The following CCDC117 variants were observed in gnomAD, a reference collection of about 807,000 sequenced individuals.
The protein encoded by CCDC117 is coiled-coil domain containing 117.
In CCDC117, 1 loss-of-function variant was observed where a neutral mutation model predicts 23.5. That is an observed-to-expected ratio of 0.04 (90% confidence interval 0.02 to 0.20). CCDC117 has a LOEUF of 0.20. Among genes scored for constraint, CCDC117 ranks in the 10% least tolerant of loss-of-function variants. The probability of loss-of-function intolerance (pLI) is 1.00; values close to 1 mark genes in which losing one functional copy is unlikely to be tolerated. For missense variants in CCDC117, 383 were observed against 348.2 expected, an observed-to-expected ratio of 1.10 and a Z score of -0.80; for synonymous variants, 132 against 124.8, an observed-to-expected ratio of 1.06 and a Z score of -0.39.
intron 3 of CCDC117, among the ~76,000 whole-genome samples, chr22:28,782,013 C>T (rs1273352970): frequency 6.8e-6 from 1 of 147,162 alleles, no homozygotes; most frequent in Admixed American, 6.8e-5. Context: ...CAGTGGCTCA[C>T]TGCAGTCTTA....
At chr22:28,777,229 G>T (rs1415366482) in intron 2 of CCDC117, among the ~76,000 whole-genome samples, 2 of 151,396 alleles carry the variant, frequency 1.3e-5, no homozygotes, top group Admixed American at 6.6e-5. Flanking sequence ...GTTTCACCAT[G>T]TTAGCCAGGA....
At chr22:28,777,133 T>A (rs7285695) in intron 2 of CCDC117, among the ~76,000 whole-genome samples, 1 of 149,064 alleles carries the variant, frequency 6.7e-6, no homozygotes, top group African/African-American at 2.5e-5. Flanking sequence ...CTGCCTCCCG[T>A]GTTCAAGTGA....
chr22:28,789,084 TAACTA>T lies in CCDC117; in HGVS notation c.*2761_*2765del, dbSNP rs1407292262. 6.7e-6 allele frequency: 1 copy of T among 150,096 alleles called. No homozygotes were observed. The highest frequency in any genetic ancestry group is 6.7e-5 in the Admixed American group (1 of 14,822). The allele number at this position is 150,096 out of a possible 1,614,324, so 9.3% of individuals were successfully genotyped here. ...GGTACACATGTAAAATTTAGGAAAA[TAACTA>T]AAGTAGGGGCTGGAACCATAAGAAG... On this transcript the variant is annotated 3_prime_UTR_variant, in exon 5 of 5. Transcript: ENST00000249064.
At chr22:28,774,855 C>T (rs1403993937) in intron 2 of CCDC117, among the ~76,000 whole-genome samples, 2 of 152,060 alleles carry the variant, frequency 1.3e-5, no homozygotes, top group Non-Finnish European at 2.9e-5. Context: ...TGTGTTTTTA[C>T]ATTTGTAGGA....
In CCDC117 at chr22:28,783,547, T is replaced by C; in HGVS notation, c.504T>C (p.Asn168=). Residue 168 remains asparagine (N), a synonymous_variant, in exon 4 of 5, where the codon AAT becomes AAC. Transcript: ENST00000249064. ...ATGAAGAAGTTGAAGCTGACAGAAA[T>C]GTTAACCATCTCCCCAGTCTTGTCC... ...DEDEEVEADR[N]VNHLPSLVLS... 1.2e-6 allele frequency: 2 copies of C among 1,613,866 alleles called. No individual in the cohort carries two copies. Among genetic ancestry groups the C allele is most frequent in the East Asian group, 2.2e-5 (1 of 44,848 alleles).
Position 28,783,565 on chromosome 22 carries a change from T to G in CCDC117, c.522T>G (p.Ser174Arg), listed in dbSNP as rs751156576. 4 of 1,613,650 alleles carry G rather than the reference T, an allele frequency of 2.5e-6. No individual in the cohort carries two copies. The highest frequency in any genetic ancestry group is 3.4e-6 in the Non-Finnish European group (4 of 1,179,598). Reference sequence around the variant, plus strand: ...ACAGAAATGTTAACCATCTCCCCAGTCTTGTCCTTTCTGATACCATGAAAA... The same window carrying G: ...ACAGAAATGTTAACCATCTCCCCAGGCTTGTCCTTTCTGATACCATGAAAA... The part of the protein sequence containing the change: ...EADRNVNHLP[S>R]LVLSDTMKTG... The change falls in exon 4 of 5, where the codon AGT (serine) becomes AGG (arginine). Residue 174 changes from serine (S) to arginine (R), a missense_variant. By Grantham distance (110) the Ser-to-Arg change is moderately radical. Transcript: ENST00000249064.
chr22:28,784,993 A>G (rs1191833368), intron 4 of CCDC117, among the ~76,000 whole-genome samples: 1 of 151,896 alleles, frequency 6.6e-6, no homozygotes, highest in East Asian at 1.9e-4. Flanking sequence ...GATGGTCTCG[A>G]TCTCCTGACC....
rs1451334596 is a variant in CCDC117 at position 28,772,977 on chromosome 22, C to T, written c.128C>T (p.Pro43Leu). The T allele has an allele frequency of 3.3e-6, 4 of 1,202,982 alleles. No homozygotes were observed. Among genetic ancestry groups the T allele is most frequent in the Middle Eastern group, 3.3e-4 (1 of 3,054 alleles). 74.5% of individuals were successfully genotyped at this position (1,202,982 alleles called of 1,614,324 possible). Residue 43 changes from proline to leucine, a missense_variant, in exon 1 of 5, where the codon CCG (proline) becomes CTG (leucine). Physicochemically the swap from Pro to Leu is moderately conservative, Grantham distance 98 (BLOSUM62 -3). Transcript: ENST00000249064. ...PPGADGAELA[P>L]RPGPRAVPSS... The stretch of plus-strand genomic sequence containing the variant: ...GGGGCTGACGGCGCCGAGTTGGCCC[C>T]GCGGCCGGGACCTCGCGCAGTCCCT...
At chr22:28,782,197 C>T (rs1220768795) in intron 3 of CCDC117, among the ~76,000 whole-genome samples, 1 of 150,424 alleles carries the variant, frequency 6.6e-6, no homozygotes, top group African/African-American at 2.5e-5. Flanking sequence ...CTCGGCATCC[C>T]AAAGTGCTGG....
intron 3 of CCDC117, 125 bp downstream of exon 3, chr22:28,781,297 G>T (rs370034121): frequency 2.8e-5 from 13 of 457,818 alleles, no homozygotes; most frequent in African/African-American, 1.9e-4. Flanking sequence ...GACTAAGTCA[G>T]ATAATTCAAA....
In CCDC117 at chr22:28,789,125, A is replaced by T. The variant is rs1222; in HGVS notation, c.*2799A>T. 1 of 152,202 alleles carries T rather than the reference A, an allele frequency of 6.6e-6. No homozygotes were observed. Among genetic ancestry groups the T allele is most frequent in the South Asian group, 2.1e-4 (1 of 4,826 alleles). 9.4% of individuals were successfully genotyped at this position (152,202 alleles called of 1,614,324 possible). A position where few individuals can be genotyped will look rare whatever the true frequency, so the allele number is the denominator to read the frequency against. Reference sequence around the variant, plus strand: ...TGGAACCATAAGAAGAATGTTTATCAGCACGTTCATTTATTATTTTGGATT... The same window carrying T: ...TGGAACCATAAGAAGAATGTTTATCTGCACGTTCATTTATTATTTTGGATT... On this transcript the variant is annotated 3_prime_UTR_variant, in exon 5 of 5. Transcript: ENST00000249064.
At position 28,788,331 on chromosome 22, in the gene CCDC117, A is replaced by G. The variant is rs573610697; in HGVS notation, c.*2005A>G. The G allele has an allele frequency of 6.5e-6, 1 of 152,808 alleles. No individual in the cohort carries two copies. The highest frequency in any genetic ancestry group is 1.5e-5 in the Non-Finnish European group (1 of 68,038). 9.5% of individuals were successfully genotyped at this position (152,808 alleles called of 1,614,324 possible). A position where few individuals can be genotyped will look rare whatever the true frequency, so the allele number is the denominator to read the frequency against. On this transcript the variant is annotated 3_prime_UTR_variant, in exon 5 of 5. Coordinates refer to ENST00000249064, the MANE Select transcript of CCDC117 (RefSeq NM_173510.4). ...GCTGAAAAATGTGTTCTAATGCAACACAAAAACATGAAGTGACTGCCCAGA... is the reference window on the plus strand; with the variant it reads ...GCTGAAAAATGTGTTCTAATGCAACGCAAAAACATGAAGTGACTGCCCAGA...
At position 28,779,750 on chromosome 22, in the gene CCDC117, A is replaced by G. The variant is rs111888584; in HGVS notation, c.240-1198A>G. Among the ~76,000 whole-genome samples, 186 of 152,346 alleles carry G rather than the reference A, an allele frequency of 1.2e-3. 1 individual carries two copies. The highest frequency in any genetic ancestry group is 3.9e-3 in the African/African-American group (162 of 41,578). On this transcript the variant is annotated intron_variant, in intron 2 of 4. Coordinates refer to ENST00000249064, the MANE Select transcript of CCDC117 (RefSeq NM_173510.4). ...ATAGAAATTTCTTTTTGTAAAATAC[A>G]TGCCTCTTCTTTGGCCCTCAGTTTA...
At chr22:28,773,070 CG>C (rs2146241663) in intron 1 of CCDC117, 36 bp downstream of exon 1, 1 of 64,956 alleles carries the variant, frequency 1.5e-5, no homozygotes, top group Admixed American at 1.5e-4. Flanking sequence ...GCAGGGCGGG[CG>C]GGCGGGCGGG....
chr22:28,781,006 T>TATC lies in CCDC117; in HGVS notation c.298_299insATC (p.Trp100delinsTyrArg). 1.9e-6 allele frequency: 3 copies of TATC among 1,614,104 alleles called. No homozygotes were observed. Among genetic ancestry groups the TATC allele is most frequent in the Non-Finnish European group, 2.5e-6 (3 of 1,180,002 alleles). On this transcript the variant is annotated protein_altering_variant, in exon 3 of 5. Coordinates refer to ENST00000249064, the MANE Select transcript of CCDC117 (RefSeq NM_173510.4). ...AGAGCTCTGTGCTGGTCCTAATGAC[T>TATC]GGATTCTTTGTGCACATCAGGATGT... is the stretch of plus-strand genomic sequence containing the variant.
intron 4 of CCDC117, among the ~76,000 whole-genome samples, chr22:28,785,334 A>AT (rs781197407): frequency 2.0e-5 from 3 of 152,154 alleles, no homozygotes; most frequent in Admixed American, 2.0e-4. Flanking sequence ...GACTACAGTC[A>AT]CCTGCTACCA....
In CCDC117 at chr22:28,788,105, AATT is replaced by A. The variant is rs2031571280; in HGVS notation, c.*1783_*1785del. ...AAAATATTTAATGTCTATACAGTAA[AATT>A]ATTCAAACTTCAAACCAGTATTGAA... On this transcript the variant is annotated 3_prime_UTR_variant, in exon 5 of 5. Coordinates refer to ENST00000249064, the MANE Select transcript of CCDC117 (RefSeq NM_173510.4). The A allele has an allele frequency of 6.6e-6, 1 of 152,668 alleles. No homozygotes were observed. Among genetic ancestry groups the A allele is most frequent in the Non-Finnish European group, 1.5e-5 (1 of 68,052 alleles). The allele number at this position is 152,668 out of a possible 1,614,324, so 9.5% of individuals were successfully genotyped here. A position where few individuals can be genotyped will look rare whatever the true frequency, so the allele number is the denominator to read the frequency against.
At position 28,773,091 on chromosome 22, in the gene CCDC117, C is replaced by T. The variant is rs1419246662; in HGVS notation, c.185+57C>T. On this transcript the variant is annotated intron_variant, in intron 1 of 4. Coordinates refer to ENST00000249064, the MANE Select transcript of CCDC117 (RefSeq NM_173510.4). ...CGGGCGGGCGGGCGGGCAGGCTGGG[C>T]GCCCCTCGCGGCGGGCGCGGGCAGG... 14 of 915,066 alleles carry T rather than the reference C, an allele frequency of 1.5e-5. 2 individuals are homozygous for T. The highest frequency in any genetic ancestry group is 1.9e-5 in the Non-Finnish European group (14 of 754,502). The allele number at this position is 915,066 out of a possible 1,614,324, so 56.7% of individuals were successfully genotyped here.
intron 2 of CCDC117, among the ~76,000 whole-genome samples, chr22:28,780,699 T>G (rs148255300): frequency 6.6e-6 from 1 of 152,284 alleles, no homozygotes; most frequent in African/African-American, 2.4e-5. Flanking sequence ...GGTCCCACAT[T>G]GAACACTTAC....
Sources: gnomAD v4.1 joint callset for allele counts (sites outside exome capture counted in the v4.1 genomes callset) on GRCh38, gnomAD v4.1.1 for gene constraint, MANE v1.5 for transcripts, NCBI Gene and HGNC (gene_info 2026-07-23, HGNC 2026-07-21) for gene names.